The following PHLDB2 variants were observed in gnomAD, a reference collection of about 807,000 sequenced individuals.
PHLDB2 encodes pleckstrin homology like domain family B member 2, also known as pleckstrin homology-like domain family B member 2.
In PHLDB2, 71 loss-of-function variants were observed where a neutral mutation model predicts 123.6. The observed-to-expected ratio is 0.57, with a 90% CI of 0.47 to 0.70. The LOEUF (loss-of-function observed/expected upper bound fraction) is 0.70. PHLDB2 is among the 30% of genes least tolerant of loss of function. PHLDB2 has a pLI of 0.00. For synonymous variants in PHLDB2, 547 were observed against 541.6 expected (o/e 1.01, Z -0.14); for missense variants, 1,446 against 1,519.5 (o/e 0.95, Z 0.80).
At chr3:111,929,714 T>C (rs113460296) in intron 5 of PHLDB2, among the ~76,000 whole-genome samples, 1,792 of 152,226 alleles carry the variant, frequency 0.012, 43 homozygotes, top group African/African-American at 0.04. Context: ...TCCTTTCCCT[T>C]TACTTCCTTT....
At chr3:111,832,490 G>A (rs1287855435) in intron 1 of PHLDB2, among the ~76,000 whole-genome samples, 1 of 150,492 alleles carries the variant, frequency 6.6e-6, no homozygotes, top group Non-Finnish European at 1.5e-5. Flanking sequence ...GAGGAAAACA[G>A]CATTAATCTT....
At chr3:111,872,204 A>AC (rs2065372329) in intron 1 of PHLDB2, among the ~76,000 whole-genome samples, 1 of 152,256 alleles carries the variant, frequency 6.6e-6, no homozygotes, top group Non-Finnish European at 1.5e-5. Flanking sequence ...GTAATAAGGC[A>AC]TGTAGCCATT....
Position 111,962,258 on chromosome 3 carries a change from G to A in PHLDB2, c.3023G>A (p.Ser1008Asn). 6.3e-7 allele frequency: 1 copy of A among 1,583,482 alleles called. No individual in the cohort carries two copies. Among genetic ancestry groups the A allele is most frequent in the Non-Finnish European group, 8.5e-7 (1 of 1,172,252 alleles). Residue 1008 changes from serine to asparagine, a missense_variant, in exon 13 of 18, where the codon AGC becomes AAC. By Grantham distance (46) the Ser-to-Asn change is conservative (BLOSUM62 1). Around this residue, in one of 3 missense-constraint regions of PHLDB2, gnomAD observed 594 missense variants for 646.0 expected, o/e 0.92. Coordinates refer to ENST00000431670, the MANE Select transcript of PHLDB2 (RefSeq NM_001134438.2). ...DQAFDTLSLD[S>N]SDSMETSISA... ...GCCTTTGATACTCTGAGCCTCGATA[G>A]CTCTGATAGCATGGAGACCAGCATC...
intron 1 of PHLDB2, among the ~76,000 whole-genome samples, chr3:111,811,058 T>C (rs541366042): frequency 3.3e-5 from 5 of 152,254 alleles, no homozygotes; most frequent in Middle Eastern, 3.4e-3. Context: ...GGATAATCTG[T>C]AAGCAGAGCC....
chr3:111,824,099 A>C (rs930095449), intron 1 of PHLDB2, among the ~76,000 whole-genome samples: 2 of 152,152 alleles, frequency 1.3e-5, no homozygotes, highest in African/African-American at 4.8e-5. Flanking sequence ...ACTTGAAACC[A>C]TCCTCTCTCC....
At position 111,935,093 on chromosome 3, in the gene PHLDB2, A is replaced by ATTT. The variant is rs34291565; in HGVS notation, c.2130+2718_2130+2720dup. On this transcript the variant is annotated intron_variant, in intron 6 of 17. Transcript: ENST00000431670. The stretch of plus-strand genomic sequence containing the variant: ...ATGAATGGTTGATTTTGGTATCTTG[A>ATTT]TTTTTTTTTTTTTTTTTTTTTTTTG... Among the ~76,000 whole-genome samples, 83 of 75,194 alleles carry ATTT rather than the reference A, an allele frequency of 1.1e-3. 1 individual carries two copies. Among genetic ancestry groups the ATTT allele is most frequent in the Non-Finnish European group, 1.6e-3 (66 of 40,016 alleles). 49.3% of individuals were successfully genotyped at this position (75,194 alleles called of 152,430 possible).
rs2072454324 is a variant in PHLDB2 at position 111,975,282 on chromosome 3, A to C, written c.*719A>C. ...TGTAGTAAACCACTTTTTGTAAAAG[A>C]AGAAAGAGCAAAAAGCTGTGTGTTT... On this transcript the variant is annotated 3_prime_UTR_variant, in exon 18 of 18. Transcript: ENST00000431670. The C allele has an allele frequency of 6.6e-6, 1 of 152,200 alleles. No individual in the cohort carries two copies. Among genetic ancestry groups the C allele is most frequent in the African/African-American group, 2.4e-5 (1 of 41,454 alleles). 9.4% of individuals were successfully genotyped at this position (152,200 alleles called of 1,614,324 possible).
rs534831873 is a variant in PHLDB2, at chr3:111,906,312, C to G, written c.1336-7007C>G. On this transcript the variant is annotated intron_variant, in intron 2 of 17. Transcript: ENST00000431670. The stretch of plus-strand genomic sequence containing the variant: ...ACTGTATACATTCATATATATAAAT[C>G]CTCATGATAACCCAATAAGGTAGAT... Among the ~76,000 whole-genome samples, 9 of 152,278 alleles carry G rather than the reference C, an allele frequency of 5.9e-5. No individual in the cohort carries two copies. The South Asian group carries it at 1.9e-3, about 32-fold the overall frequency.
intron 5 of PHLDB2, 94 bp from the exon 6 acceptor site, chr3:111,932,175 T>C (rs1156720448): frequency 7.5e-7 from 1 of 1,328,252 alleles, no homozygotes; most frequent in Admixed American, 2.4e-5. Flanking sequence ...AGTTTGTGTA[T>C]GTTTGTTTAT....
chr3:111,865,587 A>C lies in PHLDB2; in HGVS notation c.-15+6011A>C, dbSNP rs573124651. On this transcript the variant is annotated intron_variant, in intron 1 of 17. Coordinates refer to ENST00000431670, the MANE Select transcript of PHLDB2 (RefSeq NM_001134438.2). ...AGTATGGAGAAACTCCTGTTGAAAC[A>C]AAATGAAGACAGGCGAATTGACGTG... 2.6e-5 allele frequency among the ~76,000 whole-genome samples: 4 copies of C among 152,316 alleles called. No individual in the cohort carries two copies. The East Asian group carries it at 7.7e-4, about 29-fold the overall frequency.
upstream of PHLDB2, among the ~76,000 whole-genome samples, chr3:111,855,648 T>TTTTTTTTTTG: frequency 7.4e-6 from 1 of 134,294 alleles, no homozygotes; most frequent in Non-Finnish European, 1.6e-5. Flanking sequence ...TTTTTTTTTT[T>TTTTTTTTTTG]TTTTTGGCGA....
intron 12 of PHLDB2, among the ~76,000 whole-genome samples, chr3:111,956,296 A>AC (rs1206110439): frequency 6.6e-6 from 1 of 152,244 alleles, no homozygotes; most frequent in East Asian, 1.9e-4. Context: ...CATTAACATT[A>AC]CCATTTAAGA....
intron 1 of PHLDB2, among the ~76,000 whole-genome samples, chr3:111,818,892 T>C (rs1054270917): frequency 6.6e-6 from 1 of 152,112 alleles, no homozygotes. Flanking sequence ...TCCCTTCCAA[T>C]GCACCTTCCA....
At chr3:111,825,891 G>C (rs1444761407) in intron 1 of PHLDB2, among the ~76,000 whole-genome samples, 2 of 152,142 alleles carry the variant, frequency 1.3e-5, no homozygotes, top group South Asian at 4.2e-4. Context: ...AAATCAATTG[G>C]TTGTTCTGTG....
At chr3:111,760,554 T>G (rs2108009763) in intron 1 of PHLDB2, among the ~76,000 whole-genome samples, 1 of 152,196 alleles carries the variant, frequency 6.6e-6, no homozygotes, top group East Asian at 1.9e-4. Context: ...TTATTGAAAT[T>G]TATGTTTACA....
At chr3:111,855,451 C>T (rs1462372012), upstream of PHLDB2, among the ~76,000 whole-genome samples, 6 of 150,966 alleles carry the variant, frequency 4.0e-5, no homozygotes, top group African/African-American at 7.3e-5. Context: ...CCCCCTCCCG[C>T]GCTTCCCTCT....
At chr3:111,881,916 AAG>A (rs2065948839) in intron 1 of PHLDB2, among the ~76,000 whole-genome samples, 1 of 152,126 alleles carries the variant, frequency 6.6e-6, no homozygotes, top group Non-Finnish European at 1.5e-5. Context: ...TGTGTTGTTC[AAG>A]AGTCAACTGA....
intron 2 of PHLDB2, among the ~76,000 whole-genome samples, chr3:111,847,804 A>G (rs971540121): frequency 6.6e-6 from 1 of 152,150 alleles, no homozygotes; most frequent in African/African-American, 2.4e-5. Context: ...AGGCAAGGGG[A>G]TGAAAAGTAC....
intron 1 of PHLDB2, among the ~76,000 whole-genome samples, chr3:111,861,797 A>G (rs1182651687): frequency 2.0e-5 from 3 of 152,212 alleles, no homozygotes; most frequent in Non-Finnish European, 2.9e-5. Context: ...GCAAGAGAGG[A>G]AAAAATAAGC....
Sources: allele counts gnomAD v4.1 joint callset (sites outside exome capture counted in the v4.1 genomes callset), GRCh38; gene constraint gnomAD v4.1.1; regional missense constraint gnomAD v4.1.1; transcripts MANE v1.5; gene names NCBI Gene and HGNC (gene_info 2026-07-23, HGNC 2026-07-21).